HEXD: variants seen among roughly 807,000 people sequenced by gnomAD.
HEXD encodes the protein N-acetyl-beta-galactosaminidase.
In HEXD, 47 loss-of-function variants were observed where a neutral mutation model predicts 54.2. That is an observed-to-expected ratio of 0.87 (90% CI 0.69 to 1.11). HEXD has a LOEUF of 1.11. HEXD is among the 50% of genes least tolerant of loss of function. The pLI is 0.00. For synonymous variants in HEXD, 293 were observed against 287.6 expected, an observed-to-expected ratio of 1.02 and a Z score of -0.19; for missense variants, 576 against 649.2, an observed-to-expected ratio of 0.89 and a Z score of 1.23.
intron 2 of HEXD, among the ~76,000 whole-genome samples, chr17:82,422,178 AAAAG>A (rs2053255211): frequency 6.6e-6 from 1 of 151,258 alleles, no homozygotes. Context: ...AAAAAAAAAA[AAAAG>A]AAAAAAGAAG....
chr17:82,437,309 C>T lies in HEXD; in HGVS notation c.845C>T (p.Ala282Val), dbSNP rs530533579. 22 of 1,611,200 alleles carry T rather than the reference C, an allele frequency of 1.4e-5. No individual in the cohort carries two copies. Among genetic ancestry groups the T allele is most frequent in the South Asian group, 3.3e-5 (3 of 90,914 alleles). Residue 282 changes from alanine to valine, a missense_variant, in exon 8 of 13, where the codon GCG becomes GTG. Transcript: ENST00000327949. Reference sequence around the variant, plus strand: ...AACCACGTGCAGTGGCTGCAGGTGGCGGGCAGCGGGCCCACGGACTCACTG... The same window carrying T: ...AACCACGTGCAGTGGCTGCAGGTGGTGGGCAGCGGGCCCACGGACTCACTG... ...LRNHVQWLQV[A>V]GSGPTDSLQG...
In HEXD at chr17:82,432,998, A is replaced by G. The variant is rs568997372; in HGVS notation, c.283-660A>G. Among the ~76,000 whole-genome samples the G allele has an allele frequency of 7.9e-4, 110 of 138,866 alleles. 2 individuals carry two copies. Among genetic ancestry groups the G allele is most frequent in the Admixed American group, 1.2e-3 (16 of 13,664 alleles). The allele number at this position is 138,866 out of a possible 152,430, so 91.1% of individuals were successfully genotyped here. A position where few individuals can be genotyped will look rare whatever the true frequency, so the allele number is the denominator to read the frequency against. On this transcript the variant is annotated intron_variant, in intron 4 of 12. Coordinates refer to ENST00000327949, the MANE Select transcript of HEXD (RefSeq NM_001330542.2). ...GGAGAATGGTGTGAACCTGGGAGGC[A>G]GAGCTTGTAGTGAGCCGAGATCATG...
At chr17:82,440,177 T>C in intron 9 of HEXD, 1 of 1,289,412 alleles carries the variant, frequency 7.8e-7, no homozygotes, top group Non-Finnish European at 1.0e-6. Context: ...CCCCTTGGGG[T>C]CGGCAGGGGG....
In HEXD at chr17:82,425,399, T is replaced by A. The variant is rs1279949159; in HGVS notation, c.194+896T>A. The A allele has an allele frequency of 3.6e-5, 6 of 168,856 alleles. No individual in the cohort carries two copies. The South Asian group carries it at 5.7e-4, about 16-fold the overall frequency. The allele number at this position is 168,856 out of a possible 1,614,324, so 10.5% of individuals were successfully genotyped here. A position where few individuals can be genotyped will look rare whatever the true frequency, so the allele number is the denominator to read the frequency against. ...AAGGCTGGAGGAGGCTGTAGAAGGC[T>A]GAGCTAGAGAAGGCTGGAGGATGCT... On this transcript the variant is annotated intron_variant, in intron 3 of 12. Transcript: ENST00000327949.
rs767522085 is a variant in HEXD, at chr17:82,436,649, C to T, written c.632-18C>T. 8.7e-6 allele frequency: 14 copies of T among 1,601,256 alleles called. No homozygotes were observed. Among genetic ancestry groups the T allele is most frequent in the Admixed American group, 3.4e-5 (2 of 58,912 alleles). On this transcript the variant is annotated intron_variant, in intron 6 of 12. Transcript: ENST00000327949. ...TGGTCCAGGTGTCTCACCAACCTCACGTCCGCTCTGTCTGCAGCGTCCGGG... is the reference window on the plus strand; with the variant it reads ...TGGTCCAGGTGTCTCACCAACCTCATGTCCGCTCTGTCTGCAGCGTCCGGG...
chr17:82,428,656 G>C lies in HEXD; in HGVS notation c.282+11G>C. 1 of 1,610,480 alleles carries C rather than the reference G, an allele frequency of 6.2e-7. No individual in the cohort carries two copies. Among genetic ancestry groups the C allele is most frequent in the Non-Finnish European group, 8.5e-7 (1 of 1,176,794 alleles). On this transcript the variant is annotated intron_variant, in intron 4 of 12. Coordinates refer to ENST00000327949, the MANE Select transcript of HEXD (RefSeq NM_001330542.2). ...TTTGGACACATGGAGGTGAGTGGCAGAAATGGAAGTTACCTGGTGCCAGGT... is the reference window on the plus strand; with the variant it reads ...TTTGGACACATGGAGGTGAGTGGCACAAATGGAAGTTACCTGGTGCCAGGT...
intron 6 of HEXD, 100 bp downstream of exon 6, chr17:82,435,972 GC>G: frequency 1.6e-6 from 2 of 1,219,470 alleles, no homozygotes; most frequent in Non-Finnish European, 2.3e-6. Context: ...CCCAGGGTGA[GC>G]CCCAGCCCCG....
At position 82,441,236 on chromosome 17, in the gene HEXD, G is replaced by C. The variant is rs376603089; in HGVS notation, c.1133G>C (p.Ser378Thr). Residue 378 changes from serine to threonine, a missense_variant, in exon 11 of 13, where the codon AGC becomes ACC. Ser to Thr is a moderately conservative substitution (Grantham distance 58, BLOSUM62 1). Coordinates refer to ENST00000327949, the MANE Select transcript of HEXD (RefSeq NM_001330542.2). The stretch of plus-strand genomic sequence containing the variant: ...ACACAAGTCAGCCTCCATCTGCGCA[G>C]CTCTGTGGATGCGCTGCTGGAGGGC... The part of the protein sequence containing the change: ...LVTQVSLHLR[S>T]SVDALLEGNR... 1.1e-5 allele frequency: 17 copies of C among 1,612,624 alleles called. No individual in the cohort carries two copies. In the African/African-American group the frequency reaches 2.1e-4, roughly 20 times the overall value.
chr17:82,440,735 C>T (rs1359934701), intron 9 of HEXD: 15 of 512,996 alleles, frequency 2.9e-5, no homozygotes, highest in South Asian at 2.1e-4. Flanking sequence ...ACTTGCTGTC[C>T]GGGTGTTGCT....
chr17:82,437,117 C>T (rs375352903), intron 7 of HEXD, 51 bp from the exon 8 acceptor site: 30 of 1,482,432 alleles, frequency 2.0e-5, no homozygotes, highest in Middle Eastern at 1.8e-4. Context: ...TGTCCAGGGC[C>T]GTGTTGGCCG....
rs1323223946 is a variant in HEXD, at chr17:82,431,430, A to T, written c.283-2228A>T. Among the ~76,000 whole-genome samples, 18 of 134,580 alleles carry T rather than the reference A, an allele frequency of 1.3e-4. No individual in the cohort carries two copies. The East Asian group carries it at 3.1e-3, about 23-fold the overall frequency. The allele number at this position is 134,580 out of a possible 152,430, so 88.3% of individuals were successfully genotyped here. ...CCCGCCTCTGCCTCCCTAAGTGCTAATTTTTTTTTTTTTTTTGAGACAGAG... is the reference window on the plus strand; with the variant it reads ...CCCGCCTCTGCCTCCCTAAGTGCTATTTTTTTTTTTTTTTTTGAGACAGAG... On this transcript the variant is annotated intron_variant, in intron 4 of 12. Transcript: ENST00000327949.
rs754709488 is a variant in HEXD at position 82,424,424 on chromosome 17, A to G, written c.115A>G (p.Asn39Asp). 1.9e-6 allele frequency: 3 copies of G among 1,613,990 alleles called. No homozygotes were observed. The highest frequency in any genetic ancestry group is 1.7e-6 in the Non-Finnish European group (2 of 1,179,952). Reference sequence around the variant, plus strand: ...TCCTCTGTTCCGTGCGCTAGGTGCAAACGGCCTCCTCATTGAGTATGAAGA... The same window carrying G: ...TCCTCTGTTCCGTGCGCTAGGTGCAGACGGCCTCCTCATTGAGTATGAAGA... ...IFPLFRALGA[N>D]GLLIEYEDMF... The change falls in exon 3 of 13, where the codon AAC becomes GAC. Residue 39 changes from asparagine to aspartate, a missense_variant. Coordinates refer to ENST00000327949, the MANE Select transcript of HEXD (RefSeq NM_001330542.2).
At position 82,434,167 on chromosome 17, in the gene HEXD, C is replaced by T. The variant is rs952496267; in HGVS notation, c.447+345C>T. On this transcript the variant is annotated intron_variant, in intron 5 of 12. Coordinates refer to ENST00000327949, the MANE Select transcript of HEXD (RefSeq NM_001330542.2). This position sits in a 1 kb window ranked among gnomAD's most constrained non-coding sequence, Gnocchi z 4.5. ...AGCCTGTGGGTGATGGGCAGGTTCACGCCCCAGGACCAGCAGTGAGCATAA... is the reference window on the plus strand; with the variant it reads ...AGCCTGTGGGTGATGGGCAGGTTCATGCCCCAGGACCAGCAGTGAGCATAA... Among the ~76,000 whole-genome samples the T allele has an allele frequency of 1.3e-5, 2 of 152,222 alleles. No homozygotes were observed. Among genetic ancestry groups the T allele is most frequent in the African/African-American group, 2.4e-5 (1 of 41,460 alleles).
chr17:82,437,104 G>T, intron 7 of HEXD, 64 bp from the exon 8 acceptor site: 1 of 1,393,110 alleles, frequency 7.2e-7, no homozygotes, highest in Non-Finnish European at 9.9e-7. Flanking sequence ...GCCCCGGGAG[G>T]CGTGTCCAGG....
intron 4 of HEXD, among the ~76,000 whole-genome samples, chr17:82,428,933 T>C (rs143849482): frequency 1.8e-3 from 279 of 152,158 alleles, no homozygotes; most frequent in Non-Finnish European, 3.3e-3. Context: ...TATTATTATG[T>C]GAGGTAAAAC....
chr17:82,438,179 A>G (rs1469550267), intron 8 of HEXD, among the ~76,000 whole-genome samples: 1 of 151,818 alleles, frequency 6.6e-6, no homozygotes, highest in Non-Finnish European at 1.5e-5. Flanking sequence ...CGGAGGTTGC[A>G]GTGAGCCAAG....
chr17:82,436,973 C>G, intron 7 of HEXD, 195 bp from the exon 8 acceptor site: 1 of 647,718 alleles, frequency 1.5e-6, no homozygotes, highest in Non-Finnish European at 2.7e-6. Context: ...GAACCAGGGG[C>G]CACGTACACT....
intron 4 of HEXD, 67 bp downstream of exon 4, chr17:82,428,712 G>C (rs2053492455): frequency 7.1e-7 from 1 of 1,409,008 alleles, no homozygotes; most frequent in Admixed American, 1.7e-5. Context: ...GCTGGGCCAG[G>C]CTTGTGCCCA....
chr17:82,422,186 AAAG>A (rs1465197729), intron 2 of HEXD, among the ~76,000 whole-genome samples: 1 of 151,482 alleles, frequency 6.6e-6, no homozygotes, highest in Non-Finnish European at 1.5e-5. Context: ...AAAAAAGAAA[AAAG>A]AAGATGATCT....
Sources: allele counts gnomAD v4.1 joint callset (sites outside exome capture counted in the v4.1 genomes callset), GRCh38; gene constraint gnomAD v4.1.1; non-coding constraint Gnocchi (gnomAD v3.1); transcripts MANE v1.5; gene names NCBI Gene and HGNC (gene_info 2026-07-23, HGNC 2026-07-21).